Variants in TSHR observed in about 807,000 individuals in gnomAD.
TSHR encodes thyrotropin receptor.
TSHR carries 51 observed loss-of-function variants against 64.1 expected under a neutral mutation model. The ratio of observed to expected loss-of-function variants is 0.80; its 90% confidence interval spans 0.64 to 1.01. The LOEUF (loss-of-function observed/expected upper bound fraction) is 1.01. Ranked by LOEUF, TSHR falls within the 50% of genes least tolerant of loss-of-function variation. TSHR has a pLI of 0.00. For synonymous variants in TSHR, 361 were observed against 361.9 expected (o/e 1.00, Z 0.03); for missense variants, 877 against 942.8 (o/e 0.93, Z 0.91).
intron 7 of TSHR, among the ~76,000 whole-genome samples, chr14:81,098,032 C>T (rs1338470050): frequency 6.6e-6 from 1 of 152,144 alleles, no homozygotes; most frequent in East Asian, 1.9e-4. Context: ...CTTTATGATA[C>T]TAACTTCTTA....
At chr14:81,046,339 T>C (rs191925949) in intron 1 of TSHR, among the ~76,000 whole-genome samples, 196 of 151,218 alleles carry the variant, frequency 1.3e-3, no homozygotes, top group African/African-American at 4.6e-3. Context: ...GTGAGAAAAA[T>C]GGAAGACATA....
chr14:81,090,980 C>A (rs1487443426), intron 4 of TSHR, 89 bp from the exon 5 acceptor site: 2 of 1,137,598 alleles, frequency 1.8e-6, no homozygotes. Flanking sequence ...AGAACCCATG[C>A]TTTCAGCTAT....
intron 2 of TSHR, 56 bp from the exon 3 acceptor site, chr14:81,068,198 T>C: frequency 1.3e-6 from 2 of 1,544,678 alleles, no homozygotes; most frequent in South Asian, 2.2e-5. Context: ...ATAGTATGTT[T>C]GAAGTTTACA....
At chr14:80,962,979 A>G (rs1369225886) in intron 1 of TSHR, among the ~76,000 whole-genome samples, 2 of 152,204 alleles carry the variant, frequency 1.3e-5, no homozygotes, top group Non-Finnish European at 2.9e-5. Context: ...TAGAAAAGTT[A>G]CCACCTCCCA....
chr14:81,128,030 A>G (rs922767912), intron 8 of TSHR, among the ~76,000 whole-genome samples: 2 of 152,270 alleles, frequency 1.3e-5, no homozygotes, highest in African/African-American at 4.8e-5. Flanking sequence ...ATGTTGCAAT[A>G]GTAAACGCTG....
intron 8 of TSHR, among the ~76,000 whole-genome samples, chr14:81,121,892 G>A (rs1010753495): frequency 6.6e-6 from 1 of 150,498 alleles, no homozygotes; most frequent in East Asian, 2.0e-4. Flanking sequence ...CAAGTGAGCC[G>A]AGATTGCACC....
intron 1 of TSHR, among the ~76,000 whole-genome samples, chr14:81,045,999 G>T (rs1885152110): frequency 6.6e-6 from 1 of 152,162 alleles, no homozygotes; most frequent in Non-Finnish European, 1.5e-5. Flanking sequence ...CCTTGATAAG[G>T]ATGGCTGAAT....
At chr14:80,961,510 G>T (rs1171070023) in intron 1 of TSHR, among the ~76,000 whole-genome samples, 1 of 152,174 alleles carries the variant, frequency 6.6e-6, no homozygotes, top group Non-Finnish European at 1.5e-5. Flanking sequence ...CAAGAGCTTT[G>T]AAGAATTCTG....
chr14:81,006,532 T>TA (rs1399240820), intron 1 of TSHR, among the ~76,000 whole-genome samples: 9 of 151,900 alleles, frequency 5.9e-5, no homozygotes, highest in Admixed American at 2.0e-4. Context: ...TTTTTTTTTT[T>TA]AATCTGAGTC....
intron 1 of TSHR, among the ~76,000 whole-genome samples, chr14:81,016,484 C>A (rs901446235): frequency 2.0e-5 from 3 of 152,048 alleles, no homozygotes; most frequent in African/African-American, 7.3e-5. Flanking sequence ...TGTTTTCTTG[C>A]TATTGAGTTG....
chr14:81,114,167 G>T lies in TSHR; in HGVS notation c.692+5715G>T, dbSNP rs1192170136. 7.2e-5 allele frequency among the ~76,000 whole-genome samples: 11 copies of T among 152,036 alleles called. No homozygotes were observed. The East Asian group carries it at 1.9e-3, about 27-fold the overall frequency. ...AAAACCTACAAAAAGTATCACTGGG[G>T]GGGAGGAGCCAAGATGGCCGAATAG... On this transcript the variant is annotated intron_variant, in intron 8 of 9. Transcript: ENST00000298171.
At chr14:81,138,572 C>T (rs1158317858) in intron 8 of TSHR, among the ~76,000 whole-genome samples, 1 of 152,084 alleles carries the variant, frequency 6.6e-6, no homozygotes, top group Admixed American at 6.5e-5. Context: ...AACAAAATAG[C>T]AACTGCACCA....
intron 1 of TSHR, among the ~76,000 whole-genome samples, chr14:80,984,402 A>T (rs1037662898): frequency 6.6e-6 from 1 of 152,110 alleles, no homozygotes; most frequent in Non-Finnish European, 1.5e-5. Context: ...ATATTTTGCA[A>T]GTTTATTTTT....
At position 81,144,091 on chromosome 14, in the gene TSHR, A is replaced by G. The variant is rs758475693; in HGVS notation, c.2033A>G (p.Tyr678Cys). The G allele has an allele frequency of 6.2e-7, 1 of 1,614,106 alleles. No homozygotes were observed. ...AACTCCTGTGCCAATCCATTCCTCTATGCTATTTTCACCAAGGCCTTCCAG... is the reference window on the plus strand; with the variant it reads ...AACTCCTGTGCCAATCCATTCCTCTGTGCTATTTTCACCAAGGCCTTCCAG... ...PLNSCANPFL[Y>C]AIFTKAFQRD... The change falls in exon 10 of 10, where the codon TAT (tyrosine) becomes TGT (cysteine). Residue 678 changes from tyrosine to cysteine, a missense_variant. Tyr to Cys is a radical substitution (Grantham distance 194). Transcript: ENST00000298171.
At chr14:81,133,361 A>G (rs1443011907) in intron 8 of TSHR, among the ~76,000 whole-genome samples, 1 of 152,228 alleles carries the variant, frequency 6.6e-6, no homozygotes, top group Admixed American at 6.5e-5. Context: ...CAAAACTCAC[A>G]GTACTCAGAG....
chr14:80,983,644 A>G, intron 1 of TSHR: 2 of 849,124 alleles, frequency 2.4e-6, no homozygotes, highest in Non-Finnish European at 3.6e-6. Context: ...ATGTAAAATG[A>G]GCCAGAGATA....
chr14:81,094,756 G>A lies in TSHR; in HGVS notation c.546-1883G>A, dbSNP rs112583347. ...AGCTGGAGTGCAATGGTGCGATCTC[G>A]GCTTACTGCAACCTCCGCCTCCCAG... On this transcript the variant is annotated intron_variant, in intron 6 of 9. Coordinates refer to ENST00000298171, the MANE Select transcript of TSHR (RefSeq NM_000369.5). Among the ~76,000 whole-genome samples the A allele has an allele frequency of 2.8e-4, 35 of 125,636 alleles. No individual in the cohort carries two copies. The East Asian group carries it at 2.8e-3, about 10-fold the overall frequency. 82.4% of individuals were successfully genotyped at this position (125,636 alleles called of 152,430 possible). A position where few individuals can be genotyped will look rare whatever the true frequency, so the allele number is the denominator to read the frequency against.
At chr14:80,998,176 A>G (rs915439668) in intron 1 of TSHR, among the ~76,000 whole-genome samples, 2 of 152,202 alleles carry the variant, frequency 1.3e-5, no homozygotes, top group African/African-American at 4.8e-5. Flanking sequence ...AATTTGAGGG[A>G]AAAAATATTG....
intron 1 of TSHR, among the ~76,000 whole-genome samples, chr14:81,021,351 G>T (rs1044997391): frequency 1.3e-5 from 2 of 152,062 alleles, no homozygotes; most frequent in Non-Finnish European, 2.9e-5. Context: ...CCACTGAAAA[G>T]CTCATCCCAC....
Sources: gnomAD v4.1 joint callset for allele counts (sites outside exome capture counted in the v4.1 genomes callset) on GRCh38, gnomAD v4.1.1 for gene constraint, MANE v1.5 for transcripts, NCBI Gene and HGNC (gene_info 2026-07-23, HGNC 2026-07-21) for gene names.